Variants in RYR2 observed in about 807,000 individuals in gnomAD.
The protein encoded by RYR2 is ryanodine receptor 2.
RYR2 carries 227 observed loss-of-function variants against 601.1 expected under a neutral mutation model. The ratio of observed to expected loss-of-function variants is 0.38; its 90% CI spans 0.34 to 0.42. RYR2 has a LOEUF of 0.42. Ranked by LOEUF, RYR2 falls within the 10% of genes least tolerant of loss-of-function variation. The pLI is 1.00. For synonymous variants in RYR2, 2,223 were observed against 2,175.1 expected (o/e 1.02, Z -0.61); for missense variants, 4,646 against 6,156.5 (o/e 0.75, Z 8.21).
At chr1:237,468,526 G>A (rs928421105) in intron 16 of RYR2, among the ~76,000 whole-genome samples, 8 of 152,048 alleles carry the variant, frequency 5.3e-5, no homozygotes, top group African/African-American at 1.2e-4. Context: ...CTAAATCCAC[G>A]GAAATGATAT....
chr1:237,718,398 C>G, intron 72 of RYR2, 64 bp from the exon 73 acceptor site: 3 of 808,994 alleles, frequency 3.7e-6, no homozygotes, highest in Non-Finnish European at 6.2e-6. Flanking sequence ...TGGATTGTTT[C>G]TATTGACTTG....
intron 29 of RYR2, among the ~76,000 whole-genome samples, chr1:237,570,634 C>G (rs980493354): frequency 6.6e-6 from 1 of 152,024 alleles, no homozygotes; most frequent in Non-Finnish European, 1.5e-5. Flanking sequence ...CCACCATGCC[C>G]GGCCTAAATT....
intron 25 of RYR2, among the ~76,000 whole-genome samples, chr1:237,541,003 A>C (rs1408868329): frequency 6.6e-6 from 1 of 152,182 alleles, no homozygotes; most frequent in East Asian, 1.9e-4. Flanking sequence ...GTGTACCCGT[A>C]TGTATACTGT....
chr1:237,784,375 C>A lies in RYR2; in HGVS notation c.12663C>A (p.Ser4221Arg), dbSNP rs370297602. The A allele has an allele frequency of 1.2e-6, 2 of 1,613,800 alleles. No homozygotes were observed. The highest frequency in any genetic ancestry group is 8.5e-7 in the Non-Finnish European group (1 of 1,179,846). ...LNERSANKEE[S>R]EKERPEEQGP... ...AGAGGTCAGCGAATAAGGAAGAAAG[C>A]GAGAAGGAGAGGCCGGAAGAGCAGG... The change falls in exon 90 of 105, where the codon AGC (serine) becomes AGA (arginine). Residue 4221 changes from serine (S) to arginine (R), a missense_variant. Coordinates refer to ENST00000366574, the MANE Select transcript of RYR2 (RefSeq NM_001035.3). The surrounding 1 kb of genome is among the most constrained non-coding windows in gnomAD (Gnocchi z 7.1).
chr1:237,476,625 T>G, intron 17 of RYR2, among the ~76,000 whole-genome samples: 1 of 151,764 alleles, frequency 6.6e-6, no homozygotes. Context: ...ATAGGATGGT[T>G]TAAGGCTTCC....
At chr1:237,670,986 G>T (rs566277603) in intron 58 of RYR2, among the ~76,000 whole-genome samples, 1 of 152,114 alleles carries the variant, frequency 6.6e-6, no homozygotes, top group East Asian at 1.9e-4. Context: ...GAGCCAGATC[G>T]ATATTTTCTT....
At chr1:237,087,036 G>A (rs1558209197) in intron 1 of RYR2, among the ~76,000 whole-genome samples, 1 of 152,136 alleles carries the variant, frequency 6.6e-6, no homozygotes, top group Admixed American at 6.6e-5. Flanking sequence ...TATTTTCATG[G>A]CCACTGACCT....
At chr1:237,723,315 T>C (rs1196888674) in intron 74 of RYR2, 53 bp downstream of exon 74, 48 of 1,443,670 alleles carry the variant, frequency 3.3e-5, no homozygotes, top group Non-Finnish European at 4.5e-5. Context: ...TACAAATATT[T>C]TAAAAAGAGA....
At position 237,657,965 on chromosome 1, in the gene RYR2, G is replaced by A. The variant is rs1361143892; in HGVS notation, c.8151G>A (p.Leu2717=). The A allele has an allele frequency of 7.9e-6, 12 of 1,514,828 alleles. No individual in the cohort carries two copies. The highest frequency in any genetic ancestry group is 1.3e-5 in the South Asian group (1 of 77,996). The allele number at this position is 1,514,828 out of a possible 1,614,324, so 93.8% of individuals were successfully genotyped here. A position where few individuals can be genotyped will look rare whatever the true frequency, so the allele number is the denominator to read the frequency against. The stretch of plus-strand genomic sequence containing the variant: ...ATAGTATTACAATTCCTGAGAAATT[G>A]GAATACTTCATTAACAAATATGCAG... ...DTSNITIPEK[L]EYFINKYAEH... is the part of the protein sequence containing the mutation. Residue 2717 remains leucine, a synonymous_variant, in exon 54 of 105, where the codon TTG becomes TTA. Coordinates refer to ENST00000366574, the MANE Select transcript of RYR2 (RefSeq NM_001035.3).
intron 2 of RYR2, among the ~76,000 whole-genome samples, chr1:237,311,549 G>C (rs1694569850): frequency 1.3e-5 from 2 of 150,796 alleles, no homozygotes; most frequent in Admixed American, 1.3e-4. Context: ...GCAAGATCTT[G>C]GCTCAGGGCA....
chr1:237,552,950 GC>G (rs1213985773), intron 27 of RYR2, among the ~76,000 whole-genome samples: 2 of 151,888 alleles, frequency 1.3e-5, no homozygotes, highest in Admixed American at 1.3e-4. Flanking sequence ...ATTTTTGTTG[GC>G]CTTTTTACTG....
chr1:237,152,707 G>A (rs144799722), intron 1 of RYR2, among the ~76,000 whole-genome samples: 1 of 152,114 alleles, frequency 6.6e-6, no homozygotes, highest in African/African-American at 2.4e-5. Flanking sequence ...AAAAACCCCA[G>A]AAGAAAATCT....
chr1:237,506,559 G>A (rs1572639239), intron 22 of RYR2, 151 bp from the exon 23 acceptor site: 3 of 470,250 alleles, frequency 6.4e-6, no homozygotes, highest in South Asian at 2.8e-5. Context: ...AAAAAAAAAA[G>A]AATGTCGTGA....
At chr1:237,736,884 C>G (rs1380275114) in intron 79 of RYR2, among the ~76,000 whole-genome samples, 3 of 152,184 alleles carry the variant, frequency 2.0e-5, no homozygotes, top group Non-Finnish European at 4.4e-5. Flanking sequence ...AAGTTAGATT[C>G]ATCAAGGGTG....
intron 23 of RYR2, 140 bp downstream of exon 23, chr1:237,506,954 T>G: frequency 2.7e-6 from 2 of 735,650 alleles, no homozygotes; most frequent in Non-Finnish European, 4.6e-6. Context: ...TTAGTTTTTG[T>G]GCAGTTTTGC....
rs1427430728 is a variant in RYR2 at position 237,781,907 on chromosome 1, AAAGT to A, written c.11962+265_11962+268del. ...TTTTCATTTCATAGTGATATCGTAA[AAAGT>A]AAGCTCTCCAGTCTATAAAGAATAT... On this transcript the variant is annotated intron_variant, in intron 89 of 104. Coordinates refer to ENST00000366574, the MANE Select transcript of RYR2 (RefSeq NM_001035.3). Among the ~76,000 whole-genome samples the A allele has an allele frequency of 2.6e-5, 4 of 152,172 alleles. No homozygotes were observed. The East Asian group carries it at 5.8e-4, about 22-fold the overall frequency.
rs1260308629 is a variant in RYR2, at chr1:237,530,447, G to C, written c.2843G>C (p.Cys948Ser). 1 of 1,608,562 alleles carries C rather than the reference G, an allele frequency of 6.2e-7. No individual in the cohort carries two copies. Among genetic ancestry groups the C allele is most frequent in the Non-Finnish European group, 8.5e-7 (1 of 1,177,306 alleles). The change falls in exon 25 of 105, where the codon TGT (cysteine) becomes TCT (serine). Residue 948 changes from cysteine (C) to serine (S), a missense_variant. Physicochemically the swap from Cys to Ser is moderately radical, Grantham distance 112. Around this residue, in one of 17 missense-constraint regions of RYR2, gnomAD observed 1,807 missense variants for 2,088.1 expected, o/e 0.87. Coordinates refer to ENST00000366574, the MANE Select transcript of RYR2 (RefSeq NM_001035.3). ...ETLKTLLALGCHVGISDEHAE... is the reference protein window; with the variant it reads ...ETLKTLLALGSHVGISDEHAE... ...TCCAGGACTTTGTTGGCATTAGGAT[G>C]TCATGTGGGTATATCAGATGAACAT...
At chr1:237,736,290 G>A (rs1384188955) in intron 79 of RYR2, among the ~76,000 whole-genome samples, 14 of 151,762 alleles carry the variant, frequency 9.2e-5, no homozygotes, top group African/African-American at 3.1e-4. Context: ...GTGAAACCCC[G>A]TCTCTGCTAA....
At position 237,792,254 on chromosome 1, in the gene RYR2, G is replaced by A. The variant is rs761552358; in HGVS notation, c.13713G>A (p.Thr4571=). Residue 4571 remains threonine, a synonymous_variant, in exon 94 of 105, where the codon ACG becomes ACA. Coordinates refer to ENST00000366574, the MANE Select transcript of RYR2 (RefSeq NM_001035.3). ...AGAGCAGCGGCTACATGGAGCCCACGTTGCGTATCTTAGCTATTCTGCACA... is the reference window on the plus strand; with the variant it reads ...AGAGCAGCGGCTACATGGAGCCCACATTGCGTATCTTAGCTATTCTGCACA... The part of the protein sequence containing the change: ...LEESSGYMEP[T]LRILAILHTV... The A allele has an allele frequency of 1.2e-6, 2 of 1,613,764 alleles. No individual in the cohort carries two copies. Among genetic ancestry groups the A allele is most frequent in the South Asian group, 1.1e-5 (1 of 91,076 alleles).
Sources: gnomAD v4.1 joint callset for allele counts (sites outside exome capture counted in the v4.1 genomes callset) on GRCh38, gnomAD v4.1.1 for gene constraint, gnomAD v4.1.1 regional missense constraint, Gnocchi (gnomAD v3.1) non-coding constraint, MANE v1.5 for transcripts, NCBI Gene and HGNC (gene_info 2026-07-23, HGNC 2026-07-21) for gene names.